Variants in PCDHGA4 observed in about 807,000 individuals in gnomAD.
PCDHGA4 encodes the protein protocadherin gamma-A4.
Under a neutral mutation model 54.6 loss-of-function variants are expected in PCDHGA4, and 38 were observed. That is an observed-to-expected ratio of 0.70 (90% CI 0.54 to 0.91). The LOEUF is 0.91. Ranked by LOEUF, PCDHGA4 falls within the 40% of genes least tolerant of loss-of-function variation. The pLI is 0.00. For missense variants in PCDHGA4, 1,298 were observed against 1,220.9 expected (o/e 1.06, Z -0.94); for synonymous variants, 511 against 512.9 (o/e 1.00, Z 0.05).
In PCDHGA4 at chr5:141,357,386, G is replaced by A; in HGVS notation, c.2279G>A (p.Gly760Asp). The change falls in exon 1 of 4, where the codon GGC becomes GAC. Residue 760 changes from glycine (G) to aspartate (D), a missense_variant. Gly to Asp is a moderately conservative substitution (Grantham distance 94). Coordinates refer to ENST00000571252, the MANE Select transcript of PCDHGA4 (RefSeq NM_018917.4). ...AAGTCACGCCTGCTTCACGCTGAAG[G>A]CAGCAGGTTGGCAGGTGTGCCTGCC... Reference protein sequence around the residue: ...WHKSRLLHAEGSRLAGVPASH... With the variant: ...WHKSRLLHAEDSRLAGVPASH... The A allele has an allele frequency of 6.2e-7, 1 of 1,614,234 alleles. No homozygotes were observed. Among genetic ancestry groups the A allele is most frequent in the Non-Finnish European group, 8.5e-7 (1 of 1,180,024 alleles).
chr5:141,383,795 G>A (rs376874310), intron 1 of PCDHGA4: 12 of 1,613,822 alleles, frequency 7.4e-6, no homozygotes, highest in East Asian at 4.5e-5. Flanking sequence ...TCGCTTACAG[G>A]AGAAATATCA....
At chr5:141,473,439 A>G (rs2099322281) in intron 1 of PCDHGA4, among the ~76,000 whole-genome samples, 1 of 152,210 alleles carries the variant, frequency 6.6e-6, no homozygotes, top group African/African-American at 2.4e-5. Flanking sequence ...TTGCTTATGC[A>G]AAAATAATTA....
intron 1 of PCDHGA4, chr5:141,389,414 G>A (rs2091750366): frequency 6.2e-7 from 1 of 1,613,464 alleles, no homozygotes; most frequent in Non-Finnish European, 8.5e-7. Context: ...CGGAGAGCGG[G>A]GTGGTGTTCG....
At chr5:141,369,999 A>C (rs995138311) in intron 1 of PCDHGA4, among the ~76,000 whole-genome samples, 3 of 152,262 alleles carry the variant, frequency 2.0e-5, no homozygotes, top group African/African-American at 7.2e-5. Flanking sequence ...TAAAGCTCAA[A>C]TTAAAAGAAA....
At chr5:141,411,161 A>G (rs2095470005) in intron 1 of PCDHGA4, 1 of 152,284 alleles carries the variant, frequency 6.6e-6, no homozygotes, top group Non-Finnish European at 1.5e-5. Context: ...AGTTCTGACT[A>G]TCGAACAGAA....
In PCDHGA4 at chr5:141,432,725, G is replaced by T; in HGVS notation, c.2515-62082G>T. The T allele has an allele frequency of 6.2e-7, 1 of 1,614,014 alleles. No individual in the cohort carries two copies. On this transcript the variant is annotated intron_variant, in intron 1 of 3. Coordinates refer to ENST00000571252, the MANE Select transcript of PCDHGA4 (RefSeq NM_018917.4). The surrounding 1 kb of genome is among the most constrained non-coding windows in gnomAD (Gnocchi z 6.0). ...GGACCACGGCCAGCCCCCTCTCTCC[G>T]CCACTGTCACGCTCACCGTGGCCGT...
intron 1 of PCDHGA4, chr5:141,400,330 G>A (rs2094004189): frequency 6.2e-7 from 1 of 1,614,082 alleles, no homozygotes; most frequent in Admixed American, 1.7e-5. Flanking sequence ...TGGACCTGTG[G>A]TTCCCCCCAA....
At chr5:141,504,817 G>T in intron 2 of PCDHGA4, among the ~76,000 whole-genome samples, 1 of 151,940 alleles carries the variant, frequency 6.6e-6, no homozygotes, top group East Asian at 1.9e-4. Flanking sequence ...TACCTCCTAG[G>T]TCCCCACTTT....
intron 1 of PCDHGA4, chr5:141,422,357 C>T: frequency 6.4e-7 from 1 of 1,557,656 alleles, no homozygotes; most frequent in South Asian, 1.3e-5. Context: ...GATCAAGATT[C>T]TGGAGAAAAT....
intron 1 of PCDHGA4, chr5:141,423,309 G>T (rs1401836240): frequency 6.2e-7 from 1 of 1,614,176 alleles, no homozygotes; most frequent in South Asian, 1.1e-5. Context: ...CGCTGTACTT[G>T]GTGGTGGCGG....
intron 1 of PCDHGA4, chr5:141,430,753 G>C (rs1175014357): frequency 6.6e-7 from 1 of 1,504,258 alleles, no homozygotes. Context: ...TCTGGAGGAA[G>C]ATAAGAATGA....
At chr5:141,498,669 C>T (rs774292307) in intron 2 of PCDHGA4, among the ~76,000 whole-genome samples, 29 of 152,156 alleles carry the variant, frequency 1.9e-4, no homozygotes, top group African/African-American at 6.0e-4. Flanking sequence ...TGGTGGCTCA[C>T]GCCTGTAATC....
intron 1 of PCDHGA4, chr5:141,409,895 C>T (rs928044268): frequency 2.5e-6 from 4 of 1,613,098 alleles, no homozygotes; most frequent in Non-Finnish European, 3.4e-6. Flanking sequence ...GGTGCTGTAC[C>T]CAGCTCTGGG....
At chr5:141,392,802 A>C in intron 1 of PCDHGA4, 2 of 1,572,582 alleles carry the variant, frequency 1.3e-6, no homozygotes, top group Non-Finnish European at 1.7e-6. Flanking sequence ...AGGATTCTGC[A>C]GCAAAACAAC....
In PCDHGA4 at chr5:141,355,132, G is replaced by C. The variant is rs1258521483; in HGVS notation, c.25G>C (p.Asp9His). MHFILDPE[D>H]PGAPQASTEG... Reference sequence around the variant, plus strand: ...AATGCACTTTATTTTGGACCCAGAAGATCCTGGGGCTCCTCAGGCCTCGAC... The same window carrying C: ...AATGCACTTTATTTTGGACCCAGAACATCCTGGGGCTCCTCAGGCCTCGAC... Residue 9 changes from aspartate to histidine, a missense_variant, in exon 1 of 4, where the codon GAT becomes CAT. Asp to His is a moderately conservative substitution (Grantham distance 81). Transcript: ENST00000571252. The C allele has an allele frequency of 1.3e-6, 2 of 1,519,092 alleles. No homozygotes were observed. The highest frequency in any genetic ancestry group is 2.8e-5 in the African/African-American group (2 of 71,668). The allele number at this position is 1,519,092 out of a possible 1,614,324, so 94.1% of individuals were successfully genotyped here.
chr5:141,393,572 G>A, intron 1 of PCDHGA4: 1 of 1,613,908 alleles, frequency 6.2e-7, no homozygotes, highest in Non-Finnish European at 8.5e-7. Context: ...AAGTCCTTGA[G>A]AACATGCCCC....
intron 1 of PCDHGA4, among the ~76,000 whole-genome samples, chr5:141,459,575 G>T (rs2098970751): frequency 1.3e-5 from 2 of 152,132 alleles, no homozygotes; most frequent in Admixed American, 6.5e-5. Context: ...AAACAGAATT[G>T]TTTTGGGGGT....
intron 1 of PCDHGA4, among the ~76,000 whole-genome samples, chr5:141,482,530 C>CAAAAAAAAA (rs3074545): frequency 5.2e-4 from 40 of 76,506 alleles, no homozygotes; most frequent in African/African-American, 1.4e-3. Context: ...GACAGACATG[C>CAAAAAAAAA]AAAAAAAAAA....
chr5:141,417,525 C>G (rs1435259680), intron 1 of PCDHGA4: 1 of 272,692 alleles, frequency 3.7e-6, no homozygotes, highest in African/African-American at 2.2e-5. Flanking sequence ...GCTGTCAACT[C>G]GTAGTTTAAA....
Sources: gnomAD v4.1 joint callset for allele counts (sites outside exome capture counted in the v4.1 genomes callset) on GRCh38, gnomAD v4.1.1 for gene constraint, Gnocchi (gnomAD v3.1) non-coding constraint, MANE v1.5 for transcripts, NCBI Gene and HGNC (gene_info 2026-07-23, HGNC 2026-07-21) for gene names.